EPHB2: variants seen among roughly 807,000 people sequenced by gnomAD.
EPHB2 encodes the protein EPH receptor B2.
A neutral mutation model predicts 96.4 loss-of-function variants in EPHB2; 18 were observed. The observed-to-expected ratio is 0.19, with a 90% CI of 0.13 to 0.28. The LOEUF (loss-of-function observed/expected upper bound fraction) is 0.28. EPHB2 is among the 10% of genes least tolerant of loss of function. The probability of loss-of-function intolerance (pLI) is 1.00; values close to 1 mark genes in which losing one functional copy is unlikely to be tolerated. For synonymous variants in EPHB2, 506 were observed against 534.1 expected, an observed-to-expected ratio of 0.95 and a Z score of 0.72; for missense variants, 989 against 1,355.4, an observed-to-expected ratio of 0.73 and a Z score of 4.25.
chr1:22,886,205 A>G (rs1190408840), intron 6 of EPHB2, among the ~76,000 whole-genome samples: 2 of 152,210 alleles, frequency 1.3e-5, no homozygotes, highest in African/African-American at 4.8e-5. Flanking sequence ...GAGTTCACCA[A>G]ACGCGCAGGT....
In EPHB2 at chr1:22,921,451, T is replaced by C. The variant is rs1393546528; in HGVS notation, c.*7881T>C. The C allele has an allele frequency of 1.3e-5, 2 of 152,172 alleles. No homozygotes were observed. The allele number at this position is 152,172 out of a possible 1,614,324, so 9.4% of individuals were successfully genotyped here. On this transcript the variant is annotated 3_prime_UTR_variant, in exon 16 of 16. Coordinates refer to ENST00000374630, the MANE Select transcript of EPHB2 (RefSeq NM_017449.5). ...TACTCCAATGCCTTTGTAGGAGTAT[T>C]TTTAGCAGAACCGTTTTTTTCCCAA...
chr1:22,912,110 A>T (rs1428964990), intron 14 of EPHB2, among the ~76,000 whole-genome samples: 1 of 152,182 alleles, frequency 6.6e-6, no homozygotes, highest in African/African-American at 2.4e-5. Context: ...CCTGAAAATA[A>T]GCATGGAGCT....
chr1:22,875,075 G>T lies in EPHB2; in HGVS notation c.1304-7284G>T, dbSNP rs1029291235. Among the ~76,000 whole-genome samples, 1 of 152,150 alleles carries T rather than the reference G, an allele frequency of 6.6e-6. No individual in the cohort carries two copies. The highest frequency in any genetic ancestry group is 2.4e-5 in the African/African-American group (1 of 41,440). ...CCACAGAATACGCAGTGCCACCCTAGCACCAGTTGTCAGCTTTTCCTTTTT... is the reference window on the plus strand; with the variant it reads ...CCACAGAATACGCAGTGCCACCCTATCACCAGTTGTCAGCTTTTCCTTTTT... On this transcript the variant is annotated intron_variant, in intron 5 of 15. Coordinates refer to ENST00000374630, the MANE Select transcript of EPHB2 (RefSeq NM_017449.5). The surrounding 1 kb of genome is among the most constrained non-coding windows in gnomAD (Gnocchi z 4.2).
intron 3 of EPHB2, among the ~76,000 whole-genome samples, chr1:22,842,279 A>T (rs1645480703): frequency 6.6e-6 from 1 of 152,170 alleles, no homozygotes; most frequent in Admixed American, 6.5e-5. Context: ...GCGGTGCTGA[A>T]ATCATGAAAT....
intron 3 of EPHB2, among the ~76,000 whole-genome samples, chr1:22,832,685 T>C (rs1472681709): frequency 6.6e-6 from 1 of 152,200 alleles, no homozygotes; most frequent in African/African-American, 2.4e-5. Context: ...GCCTGGTTAG[T>C]ACAACTCTCT....
intron 13 of EPHB2, 119 bp downstream of exon 13, chr1:22,909,290 G>A: frequency 6.6e-7 from 1 of 1,509,174 alleles, no homozygotes; most frequent in Non-Finnish European, 9.1e-7. Context: ...CTGAGATCAT[G>A]GGCCTGGCTC....
chr1:22,895,630 C>G, intron 8 of EPHB2, 50 bp downstream of exon 8: 1 of 1,509,222 alleles, frequency 6.6e-7, no homozygotes, highest in South Asian at 1.1e-5. Context: ...CAGATGGCTT[C>G]TCTCTCTCTA....
At chr1:22,715,451 C>G (rs1437048593) in intron 1 of EPHB2, among the ~76,000 whole-genome samples, 2 of 151,660 alleles carry the variant, frequency 1.3e-5, no homozygotes, top group Non-Finnish European at 2.9e-5. Flanking sequence ...CTCTACCCTA[C>G]TGGGCCCACC....
intron 3 of EPHB2, among the ~76,000 whole-genome samples, chr1:22,799,784 G>A (rs185291472): frequency 5.0e-4 from 76 of 152,256 alleles, no homozygotes; most frequent in Admixed American, 2.9e-3. Flanking sequence ...TATGTCTGTC[G>A]CTGTGTCCCC....
At chr1:22,725,074 CG>C (rs1464755676) in intron 1 of EPHB2, among the ~76,000 whole-genome samples, 3 of 152,174 alleles carry the variant, frequency 2.0e-5, no homozygotes, top group Non-Finnish European at 2.9e-5. Flanking sequence ...TCACCTTGCA[CG>C]CAGCCCTTTT....
intron 1 of EPHB2, among the ~76,000 whole-genome samples, chr1:22,778,707 A>T (rs1644487238): frequency 6.6e-6 from 1 of 152,188 alleles, no homozygotes; most frequent in Non-Finnish European, 1.5e-5. Context: ...AGTCCTTCTG[A>T]GATCCTCCCA....
chr1:22,887,492 C>A (rs918552398), intron 6 of EPHB2, among the ~76,000 whole-genome samples: 1 of 152,224 alleles, frequency 6.6e-6, no homozygotes, highest in African/African-American at 2.4e-5. Context: ...AGAAAGGGCT[C>A]TCTAGGAGCG....
At position 22,895,551 on chromosome 1, in the gene EPHB2, T is replaced by C. The variant is rs141173528; in HGVS notation, c.1671T>C (p.Ala557=). 13 of 1,614,152 alleles carry C rather than the reference T, an allele frequency of 8.1e-6. No individual in the cohort carries two copies. In the Admixed American group the frequency reaches 1.7e-4, roughly 21 times the overall value. ...CCGCTGGCCTGGTCTTCCTCATTGC[T>C]GTGGTTGTCATCGCCATCGTGTGTA... is the stretch of plus-strand genomic sequence containing the variant. ...SSAAGLVFLI[A]VVVIAIVCNR... Residue 557 remains alanine, a synonymous_variant, in exon 8 of 16, where the codon GCT becomes GCC. Transcript: ENST00000374630.
At chr1:22,856,014 C>T (rs771375072) in intron 3 of EPHB2, among the ~76,000 whole-genome samples, 2 of 152,198 alleles carry the variant, frequency 1.3e-5, no homozygotes, top group Non-Finnish European at 2.9e-5. Context: ...CCACAGACAG[C>T]GCCCTCTGGT....
rs188361448 is a variant in EPHB2, at chr1:22,846,207, C to G, written c.812-16830C>G. ...CCTGTGGCAGGCGGATCTCTTGGGT[C>G]AGGAGTTCGAGACCAGCCTGGCCAA... On this transcript the variant is annotated intron_variant, in intron 3 of 15. Coordinates refer to ENST00000374630, the MANE Select transcript of EPHB2 (RefSeq NM_017449.5). This position sits in a 1 kb window ranked among gnomAD's most constrained non-coding sequence, Gnocchi z 4.3. Among the ~76,000 whole-genome samples, 377 of 152,198 alleles carry G rather than the reference C, an allele frequency of 2.5e-3. 5 individuals carry two copies. Among genetic ancestry groups the G allele is most frequent in the African/African-American group, 8.5e-3 (354 of 41,510 alleles).
intron 3 of EPHB2, among the ~76,000 whole-genome samples, chr1:22,851,236 G>T (rs539556060): frequency 6.6e-6 from 1 of 152,172 alleles, no homozygotes; most frequent in East Asian, 1.9e-4. Context: ...CAGCTCAAGC[G>T]ATCCTCCCGC....
At chr1:22,814,852 T>G (rs1291339860) in intron 3 of EPHB2, among the ~76,000 whole-genome samples, 1 of 152,212 alleles carries the variant, frequency 6.6e-6, no homozygotes, top group Non-Finnish European at 1.5e-5. Context: ...CTGACTGCTT[T>G]GCTTCACAAA....
At chr1:22,713,974 C>A (rs1226054678) in intron 1 of EPHB2, among the ~76,000 whole-genome samples, 1 of 152,228 alleles carries the variant, frequency 6.6e-6, no homozygotes, top group Non-Finnish European at 1.5e-5. Flanking sequence ...GGGGAAACGT[C>A]CAACAGGACA....
At chr1:22,748,297 A>G (rs1644006551) in intron 1 of EPHB2, among the ~76,000 whole-genome samples, 1 of 151,904 alleles carries the variant, frequency 6.6e-6, no homozygotes, top group Non-Finnish European at 1.5e-5. Context: ...GGCTGCTGGG[A>G]AGCTCAGAGC....
Sources: gnomAD v4.1 joint callset for allele counts (sites outside exome capture counted in the v4.1 genomes callset) on GRCh38, gnomAD v4.1.1 for gene constraint, Gnocchi (gnomAD v3.1) non-coding constraint, MANE v1.5 for transcripts, NCBI Gene and HGNC (gene_info 2026-07-23, HGNC 2026-07-21) for gene names.